DNM2: variants seen among roughly 807,000 people sequenced by gnomAD.
The protein encoded by DNM2 is dynamin 2.
Under a neutral mutation model 99.0 loss-of-function variants are expected in DNM2, and 15 were observed. The observed-to-expected ratio is 0.15, with a 90% CI of 0.10 to 0.23. The LOEUF (loss-of-function observed/expected upper bound fraction) is 0.23. Ranked by LOEUF, DNM2 falls within the 10% of genes least tolerant of loss-of-function variation. The pLI, the probability that DNM2 is intolerant of heterozygous loss-of-function variation, is 1.00. For missense variants in DNM2, 742 were observed against 1,189.4 expected (o/e 0.62, Z 5.53); for synonymous variants, 525 against 481.2 (o/e 1.09, Z -1.19).
At chr19:10,770,093 C>T (rs559087988) in intron 2 of DNM2, among the ~76,000 whole-genome samples, 11 of 152,334 alleles carry the variant, frequency 7.2e-5, no homozygotes, top group African/African-American at 1.9e-4. Flanking sequence ...TGAGGCGCAA[C>T]GGGACCACAC....
Position 10,820,061 on chromosome 19 carries a change from G to A in DNM2, c.1753G>A (p.Val585Ile), listed in dbSNP as rs762777422. The change falls in exon 16 of 21, where the codon GTC becomes ATC. Residue 585 changes from valine to isoleucine, a missense_variant. Physicochemically the swap from Val to Ile is conservative, Grantham distance 29. Coordinates refer to ENST00000389253, the MANE Select transcript of DNM2 (RefSeq NM_001005361.3). This position sits in a 1 kb window ranked among gnomAD's most constrained non-coding sequence, Gnocchi z 4.3. The part of the protein sequence containing the change: ...VEKGFMSNKH[V>I]FAIFNTEQRN... ...GAAGGGCTTCATGTCCAACAAGCACGTCTTCGCCATCTTCAACACGGAGCA... is the reference window on the plus strand; with the variant it reads ...GAAGGGCTTCATGTCCAACAAGCACATCTTCGCCATCTTCAACACGGAGCA... 1.9e-6 allele frequency: 3 copies of A among 1,614,196 alleles called. No homozygotes were observed. The highest frequency in any genetic ancestry group is 2.5e-6 in the Non-Finnish European group (3 of 1,180,036).
chr19:10,823,420 AATAAT>A (rs2073046765), intron 16 of DNM2: 1 of 146,590 alleles, frequency 6.8e-6, no homozygotes, highest in African/African-American at 2.5e-5. Flanking sequence ...AAAAAAAATA[AATAAT>A]AATAATAATA....
chr19:10,797,736 GT>G (rs1346934312), intron 10 of DNM2, among the ~76,000 whole-genome samples: 1 of 152,176 alleles, frequency 6.6e-6, no homozygotes, highest in Non-Finnish European at 1.5e-5. Context: ...AGCCTTTGTT[GT>G]TGCCAAACGC....
rs947247989 is a variant in DNM2, at chr19:10,776,582, G to A, written c.590-536G>A. On this transcript the variant is annotated intron_variant, in intron 4 of 20. Transcript: ENST00000389253. ...GCACAGAGCCAGGCCCTCAGCCCCC[G>A]TGGGAGCAGTTGATCTGCAGAGGTG... Among the ~76,000 whole-genome samples the A allele has an allele frequency of 5.9e-5, 9 of 152,338 alleles. No individual in the cohort carries two copies. In the South Asian group the frequency reaches 8.3e-4, roughly 14 times the overall value.
chr19:10,819,446 C>T (rs1334982975), intron 15 of DNM2, among the ~76,000 whole-genome samples: 1 of 152,122 alleles, frequency 6.6e-6, no homozygotes, highest in Non-Finnish European at 1.5e-5. Flanking sequence ...AAAGATGGAG[C>T]CCAGATAAAA....
Position 10,825,306 on chromosome 19 carries a change from G to A in DNM2, c.2058+85G>A, listed in dbSNP as rs918941483. The A allele has an allele frequency of 5.4e-4, 851 of 1,576,838 alleles. 1 individual carries two copies. The highest frequency in any genetic ancestry group is 8.5e-4 in the Middle Eastern group (4 of 4,680). ...TCCCAGCACTTTGGGAGGCCAAGGCGGGCGGATCACTTGAGGTCAGGAGTT... is the reference window on the plus strand; with the variant it reads ...TCCCAGCACTTTGGGAGGCCAAGGCAGGCGGATCACTTGAGGTCAGGAGTT... On this transcript the variant is annotated intron_variant, in intron 18 of 20. Coordinates refer to ENST00000389253, the MANE Select transcript of DNM2 (RefSeq NM_001005361.3).
chr19:10,756,822 G>T (rs1372657058), intron 1 of DNM2, among the ~76,000 whole-genome samples: 1 of 152,006 alleles, frequency 6.6e-6, no homozygotes, highest in Non-Finnish European at 1.5e-5. Flanking sequence ...CCTGGAATCT[G>T]CCTACGGCCT....
In DNM2 at chr19:10,830,414, T is replaced by G; in HGVS notation, c.2543+36T>G. ...CCCCCTGCCCTCCACCCCAACTGCC[T>G]GCACCCTGGGGTCTCTCCTCCTGTC... is the stretch of plus-strand genomic sequence containing the variant. On this transcript the variant is annotated intron_variant, in intron 20 of 20. Coordinates refer to ENST00000389253, the MANE Select transcript of DNM2 (RefSeq NM_001005361.3). The surrounding 1 kb of genome is among the most constrained non-coding windows in gnomAD (Gnocchi z 4.8). 3 of 1,597,988 alleles carry G rather than the reference T, an allele frequency of 1.9e-6. No individual in the cohort carries two copies. Among genetic ancestry groups the G allele is most frequent in the Non-Finnish European group, 2.6e-6 (3 of 1,175,386 alleles).
At chr19:10,745,820 GTGACA>G (rs1428164231) in intron 1 of DNM2, among the ~76,000 whole-genome samples, 1 of 152,212 alleles carries the variant, frequency 6.6e-6, no homozygotes, top group Non-Finnish European at 1.5e-5. Flanking sequence ...CTCTGAGGAG[GTGACA>G]TCTGAGTTGA....
At chr19:10,734,214 A>T (rs2069438702) in intron 1 of DNM2, among the ~76,000 whole-genome samples, 1 of 150,368 alleles carries the variant, frequency 6.7e-6, no homozygotes, top group Admixed American at 6.7e-5. Context: ...GTGGTGGTAT[A>T]CACCTGTAGT....
chr19:10,759,129 G>A (rs2070529945), intron 1 of DNM2, among the ~76,000 whole-genome samples: 1 of 152,134 alleles, frequency 6.6e-6, no homozygotes, highest in African/African-American at 2.4e-5. Flanking sequence ...GTTTAGTTTA[G>A]TTTAGTTTTT....
chr19:10,779,936 G>A (rs2145944382), intron 5 of DNM2, among the ~76,000 whole-genome samples: 1 of 152,212 alleles, frequency 6.6e-6, no homozygotes, highest in East Asian at 1.9e-4. Flanking sequence ...TTAAAGGCAT[G>A]AGCCACCGTG....
intron 16 of DNM2, among the ~76,000 whole-genome samples, chr19:10,821,804 T>G (rs1479565898): frequency 1.3e-5 from 2 of 152,162 alleles, no homozygotes; most frequent in African/African-American, 4.8e-5. Flanking sequence ...GTGCTGGGAT[T>G]ACAGGTGTGA....
intron 2 of DNM2, among the ~76,000 whole-genome samples, chr19:10,763,867 G>T (rs1165203624): frequency 6.6e-6 from 1 of 152,186 alleles, no homozygotes; most frequent in Non-Finnish European, 1.5e-5. Flanking sequence ...AGCGGGGAGT[G>T]GGGGATAGGG....
chr19:10,821,305 A>G (rs1258174483), intron 16 of DNM2, among the ~76,000 whole-genome samples: 5 of 152,126 alleles, frequency 3.3e-5, no homozygotes, highest in African/African-American at 9.7e-5. Flanking sequence ...GAGGGTGACA[A>G]TATTATCTGA....
chr19:10,726,325 T>C (rs2069115503), intron 1 of DNM2, among the ~76,000 whole-genome samples: 1 of 151,756 alleles, frequency 6.6e-6, no homozygotes. Flanking sequence ...CTTCCCAAAG[T>C]GGTGGAATTA....
In DNM2 at chr19:10,811,510, G is replaced by A; in HGVS notation, c.1558-754G>A. The A allele has an allele frequency of 2.8e-6, 1 of 359,680 alleles. No individual in the cohort carries two copies. The highest frequency in any genetic ancestry group is 5.5e-6 in the Non-Finnish European group (1 of 181,954). 22.3% of individuals were successfully genotyped at this position (359,680 alleles called of 1,614,324 possible). On this transcript the variant is annotated intron_variant, in intron 14 of 20. Coordinates refer to ENST00000389253, the MANE Select transcript of DNM2 (RefSeq NM_001005361.3). This position sits in a 1 kb window ranked among gnomAD's most constrained non-coding sequence, Gnocchi z 5.4. Reference sequence around the variant, plus strand: ...CTTTGTAGCTTGGCCAAGTCTGTCAGTGCCTGGGTCCCAGGCCGCCCTGTG... The same window carrying A: ...CTTTGTAGCTTGGCCAAGTCTGTCAATGCCTGGGTCCCAGGCCGCCCTGTG...
intron 1 of DNM2, among the ~76,000 whole-genome samples, chr19:10,749,784 A>G: frequency 6.6e-6 from 1 of 152,242 alleles, no homozygotes; most frequent in Non-Finnish European, 1.5e-5. Context: ...TTGGCGTGTC[A>G]CAGGACTAGA....
At chr19:10,786,503 C>CT in intron 6 of DNM2, 61 bp from the exon 7 acceptor site, 1 of 1,610,134 alleles carries the variant, frequency 6.2e-7, no homozygotes, top group Non-Finnish European at 8.5e-7. Context: ...GGGAGTGTGT[C>CT]TGCCACTCCC....
Sources: allele counts gnomAD v4.1 joint callset (sites outside exome capture counted in the v4.1 genomes callset), GRCh38; gene constraint gnomAD v4.1.1; non-coding constraint Gnocchi (gnomAD v3.1); transcripts MANE v1.5; gene names NCBI Gene and HGNC (gene_info 2026-07-23, HGNC 2026-07-21).